CLIP2: variants seen among roughly 807,000 people sequenced by gnomAD.
The protein encoded by CLIP2 is CAP-Gly domain-containing linker protein 2.
Under a neutral mutation model 111.7 loss-of-function variants are expected in CLIP2, and 41 were observed. That is an observed-to-expected ratio of 0.37 (90% confidence interval 0.29 to 0.48). The LOEUF (loss-of-function observed/expected upper bound fraction) is 0.48. Ranked by LOEUF, CLIP2 falls within the 20% of genes least tolerant of loss-of-function variation. The pLI, the probability that CLIP2 is intolerant of heterozygous loss-of-function variation, is 0.99. For missense variants in CLIP2, 1,160 were observed against 1,422.1 expected (o/e 0.82, Z 2.96); for synonymous variants, 660 against 644.2 (o/e 1.02, Z -0.37).
chr7:74,322,914 A>T (rs1297170668), intron 2 of CLIP2, among the ~76,000 whole-genome samples: 1 of 151,882 alleles, frequency 6.6e-6, no homozygotes, highest in Non-Finnish European at 1.5e-5. Context: ...TATTTTTAAT[A>T]GAGATGGGGT....
intron 1 of CLIP2, among the ~76,000 whole-genome samples, chr7:74,309,500 A>G (rs774181406): frequency 1.3e-5 from 2 of 152,128 alleles, no homozygotes; most frequent in Admixed American, 6.6e-5. Context: ...GAAATTTCAT[A>G]TGAACGGATT....
At position 74,392,629 on chromosome 7, in the gene CLIP2, C is replaced by T. The variant is rs182566442; in HGVS notation, c.2720+3370C>T. Among the ~76,000 whole-genome samples, 227 of 152,194 alleles carry T rather than the reference C, an allele frequency of 1.5e-3. 2 individuals are homozygous for T. The highest frequency in any genetic ancestry group is 1.1e-3 in the Non-Finnish European group (74 of 68,022). On this transcript the variant is annotated intron_variant, in intron 13 of 16. Transcript: ENST00000223398. ...ATCACCTGAGGTCAGGAGTTCGAGA[C>T]CAGCCTGGCCAAGATGATGAAACCC...
intron 10 of CLIP2, among the ~76,000 whole-genome samples, 186 bp downstream of exon 10, chr7:74,377,008 G>A (rs1174342074): frequency 6.6e-6 from 1 of 152,152 alleles, no homozygotes; most frequent in Non-Finnish European, 1.5e-5. Context: ...TAGAGGGGCA[G>A]TGCGCCCTGG....
intron 1 of CLIP2, among the ~76,000 whole-genome samples, chr7:74,290,756 A>G (rs370026948): frequency 6.6e-6 from 1 of 152,058 alleles, no homozygotes; most frequent in African/African-American, 2.4e-5. Flanking sequence ...TGTGCTTCAG[A>G]AGCCTCTTCC....
chr7:74,357,571 A>G (rs980323669), intron 6 of CLIP2, 94 bp downstream of exon 6: 2 of 1,147,400 alleles, frequency 1.7e-6, no homozygotes, highest in Non-Finnish European at 2.5e-6. Flanking sequence ...GGGTGGGTGC[A>G]GAGAAATATG....
chr7:74,353,919 GAGAC>G lies in CLIP2; in HGVS notation c.723_726del (p.Asp242LeufsTer43). On this transcript the variant is annotated frameshift_variant, in exon 4 of 17. Coordinates refer to ENST00000223398, the MANE Select transcript of CLIP2 (RefSeq NM_003388.5). LOFTEE classifies it high-confidence loss of function. ...GACTGGCGTGGTGCGGTACGTGGGGGAGACAGACTTTGCCAAGGGCGAGTGGTGT... is the reference window on the plus strand; with the variant it reads ...GACTGGCGTGGTGCGGTACGTGGGGGAGACTTTGCCAAGGGCGAGTGGTGT... 6.2e-7 allele frequency: 1 copy of G among 1,614,210 alleles called. No individual in the cohort carries two copies. Among genetic ancestry groups the G allele is most frequent in the Non-Finnish European group, 8.5e-7 (1 of 1,180,024 alleles).
rs1430920696 is a variant in CLIP2, at chr7:74,376,910, G to A, written c.2421+88G>A. The A allele has an allele frequency of 1.6e-6, 2 of 1,282,924 alleles. No homozygotes were observed. The highest frequency in any genetic ancestry group is 2.1e-6 in the Non-Finnish European group (2 of 956,348). The allele number at this position is 1,282,924 out of a possible 1,614,324, so 79.5% of individuals were successfully genotyped here. On this transcript the variant is annotated intron_variant, in intron 10 of 16. Transcript: ENST00000223398. This position sits in a 1 kb window ranked among gnomAD's most constrained non-coding sequence, Gnocchi z 7.1. Reference sequence around the variant, plus strand: ...TGACCTCTGTTCTGCAGCCCAGGAAGCATTTCCCTTGTCCCCGAGAGCATG... The same window carrying A: ...TGACCTCTGTTCTGCAGCCCAGGAAACATTTCCCTTGTCCCCGAGAGCATG...
rs561123081 is a variant in CLIP2 at position 74,379,219 on chromosome 7, C to T, written c.2422-1587C>T. Among the ~76,000 whole-genome samples, 7 of 151,924 alleles carry T rather than the reference C, an allele frequency of 4.6e-5. No homozygotes were observed. The South Asian group carries it at 1.5e-3, about 32-fold the overall frequency. On this transcript the variant is annotated intron_variant, in intron 10 of 16. Transcript: ENST00000223398. Reference sequence around the variant, plus strand: ...TGGCTCACACCTGTAATCCCAGCTACTCAGGAGGCTGAGGCACAAGGATTA... The same window carrying T: ...TGGCTCACACCTGTAATCCCAGCTATTCAGGAGGCTGAGGCACAAGGATTA...
intron 13 of CLIP2, among the ~76,000 whole-genome samples, chr7:74,395,854 GC>G (rs1256657050): frequency 1.3e-5 from 2 of 152,128 alleles, no homozygotes; most frequent in African/African-American, 4.8e-5. Context: ...GCTGTGACTG[GC>G]AGTTGGTTCA....
At chr7:74,375,027 T>C (rs1194529917) in intron 9 of CLIP2, among the ~76,000 whole-genome samples, 4 of 152,080 alleles carry the variant, frequency 2.6e-5, no homozygotes, top group Non-Finnish European at 5.9e-5. Context: ...CAAAATTCAC[T>C]GTGGCCTCTG....
intron 8 of CLIP2, chr7:74,364,703 A>G (rs1790426659): frequency 5.6e-6 from 2 of 354,598 alleles, no homozygotes; most frequent in Non-Finnish European, 5.6e-6. Flanking sequence ...GAGTCACAGA[A>G]TTTATAGGTA....
intron 1 of CLIP2, among the ~76,000 whole-genome samples, chr7:74,312,946 G>A (rs1788680278): frequency 6.6e-6 from 1 of 152,070 alleles, no homozygotes; most frequent in African/African-American, 2.4e-5. Flanking sequence ...CCTGACGCGA[G>A]CATTGTGGGT....
Position 74,397,945 on chromosome 7 carries a change from G to A in CLIP2, c.2880+712G>A, listed in dbSNP as rs145109177. Among the ~76,000 whole-genome samples the A allele has an allele frequency of 7.7e-3, 1,167 of 151,810 alleles. 13 individuals carry two copies. Among genetic ancestry groups the A allele is most frequent in the African/African-American group, 0.026 (1,076 of 41,462 alleles). ...GCCTCCCAAAGTGGTGGGATTACAG[G>A]TGTCAGCCACTGCGCCCGGTCGAGA... On this transcript the variant is annotated intron_variant, in intron 14 of 16. Coordinates refer to ENST00000223398, the MANE Select transcript of CLIP2 (RefSeq NM_003388.5).
intron 2 of CLIP2, among the ~76,000 whole-genome samples, 194 bp downstream of exon 2, chr7:74,317,861 G>A (rs376490631): frequency 6.6e-6 from 1 of 152,174 alleles, no homozygotes; most frequent in Non-Finnish European, 1.5e-5. Context: ...GGACATGGGC[G>A]CTGAGGTCTG....
In CLIP2 at chr7:74,338,495, G is replaced by T. The variant is rs782207729; in HGVS notation, c.169G>T (p.Ala57Ser). The change falls in exon 3 of 17, where the codon GCA becomes TCA. Residue 57 changes from alanine to serine, a missense_variant. Ala to Ser is a moderately conservative substitution (Grantham distance 99). Transcript: ENST00000223398. The surrounding 1 kb of genome is among the most constrained non-coding windows in gnomAD (Gnocchi z 4.3). Reference protein sequence around the residue: ...QSSGPSSSPAAAAAPEKPGPK... With the variant: ...QSSGPSSSPASAAAPEKPGPK... ...ATCTGGACCCTCCTCCTCCCCGGCC[G>T]CAGCTGCTGCCCCCGAGAAGCCGGG... 6.2e-7 allele frequency: 1 copy of T among 1,611,728 alleles called. No individual in the cohort carries two copies. The highest frequency in any genetic ancestry group is 1.7e-5 in the Admixed American group (1 of 59,854).
chr7:74,297,947 A>G (rs1788220059), intron 1 of CLIP2, among the ~76,000 whole-genome samples: 1 of 151,522 alleles, frequency 6.6e-6, no homozygotes, highest in Non-Finnish European at 1.5e-5. Context: ...ATGCATTCAT[A>G]TATTCACTAA....
At chr7:74,399,956 C>T (rs1394079299) in intron 14 of CLIP2, among the ~76,000 whole-genome samples, 1 of 151,386 alleles carries the variant, frequency 6.6e-6, no homozygotes, top group African/African-American at 2.4e-5. Flanking sequence ...AGATTGAGAC[C>T]ATCCTGGCTA....
At chr7:74,374,580 G>T (rs1344761894) in intron 9 of CLIP2, among the ~76,000 whole-genome samples, 1 of 152,092 alleles carries the variant, frequency 6.6e-6, no homozygotes, top group African/African-American at 2.4e-5. Flanking sequence ...AATTAACTGA[G>T]CGGGGTGGTG....
chr7:74,392,871 C>T (rs1343684279), intron 13 of CLIP2, among the ~76,000 whole-genome samples: 1 of 152,104 alleles, frequency 6.6e-6, no homozygotes, highest in Non-Finnish European at 1.5e-5. Context: ...ATGGCAAGAC[C>T]TAACAACACA....
Sources: allele counts gnomAD v4.1 joint callset (sites outside exome capture counted in the v4.1 genomes callset), GRCh38; gene constraint gnomAD v4.1.1; non-coding constraint Gnocchi (gnomAD v3.1); transcripts MANE v1.5; gene names NCBI Gene and HGNC (gene_info 2026-07-23, HGNC 2026-07-21).